The following DNER variants were observed in gnomAD, a reference collection of about 807,000 sequenced individuals.
The protein encoded by DNER is delta/notch like EGF repeat containing.
In DNER, 33 loss-of-function variants were observed where a neutral mutation model predicts 78.2. That is an observed-to-expected ratio of 0.42 (90% confidence interval 0.32 to 0.56). DNER has a LOEUF of 0.56. Among genes scored for constraint, DNER ranks in the 20% least tolerant of loss-of-function variants. The pLI, the probability that DNER is intolerant of heterozygous loss-of-function variation, is 0.11. For synonymous variants in DNER, 417 were observed against 384.8 expected (o/e 1.08, Z -0.98); for missense variants, 918 against 975.3 (o/e 0.94, Z 0.78).
chr2:229,697,387 T>G (rs1699678558), intron 1 of DNER, among the ~76,000 whole-genome samples: 1 of 152,222 alleles, frequency 6.6e-6, no homozygotes. Context: ...ATACAGTGTT[T>G]CCTTTTGGGA....
At chr2:229,468,633 GA>G (rs1312612279) in intron 7 of DNER, among the ~76,000 whole-genome samples, 1 of 152,104 alleles carries the variant, frequency 6.6e-6, no homozygotes, top group Non-Finnish European at 1.5e-5. Context: ...TCTGATCCCC[GA>G]AATATCAGAG....
intron 4 of DNER, among the ~76,000 whole-genome samples, chr2:229,551,129 C>T (rs960138568): frequency 5.9e-5 from 9 of 152,178 alleles, no homozygotes; most frequent in Non-Finnish European, 1.2e-4. Flanking sequence ...AGACTTCCTA[C>T]ATTGTTTCAT....
intron 4 of DNER, among the ~76,000 whole-genome samples, chr2:229,551,371 C>T (rs1342207392): frequency 2.2e-5 from 3 of 135,100 alleles, no homozygotes; most frequent in Non-Finnish European, 3.3e-5. Flanking sequence ...CAGTGGCTCA[C>T]GCCTGTAATC....
In DNER at chr2:229,670,281, G is replaced by A. The variant is rs1257442783; in HGVS notation, c.276+43867C>T. Among the ~76,000 whole-genome samples, 3 of 152,338 alleles carry A rather than the reference G, an allele frequency of 2.0e-5. No homozygotes were observed. In the East Asian group the frequency reaches 5.8e-4, roughly 29 times the overall value. ...GTTCTATCAGGGAGACCCCCTCACT[G>A]TGTCTCCTCCCAGGCCGAGGCAAAC... is the stretch of plus-strand genomic sequence containing the variant. On this transcript the variant is annotated intron_variant, in intron 1 of 12. Coordinates refer to ENST00000341772, the MANE Select transcript of DNER (RefSeq NM_139072.4).
chr2:229,593,453 C>G (rs865942625), intron 1 of DNER, among the ~76,000 whole-genome samples: 20 of 152,196 alleles, frequency 1.3e-4, no homozygotes, highest in Non-Finnish European at 7.3e-5. Flanking sequence ...AGCCTTCCCT[C>G]ACTGTGAAAT....
In DNER at chr2:229,367,073, C is replaced by T; in HGVS notation, c.1902G>A (p.Met634Ile). ...TGATGATGTAGAGGGAGTGCCGTGG[C>T]ATGTTGGTGAGGCTCTCCGCCATGT... ...SGHMAESLTN[M>I]PRHSLYIIIG... The change falls in exon 12 of 13, where the codon ATG (methionine) becomes ATA (isoleucine). Residue 634 changes from methionine (M) to isoleucine (I), a missense_variant. Met to Ile is a conservative substitution (Grantham distance 10). Transcript: ENST00000341772. 6.2e-7 allele frequency: 1 copy of T among 1,614,110 alleles called. No homozygotes were observed. The highest frequency in any genetic ancestry group is 8.5e-7 in the Non-Finnish European group (1 of 1,180,024).
rs1034608884 is a variant in DNER, at chr2:229,398,129, T to C, written c.1723+9103A>G. 2.6e-5 allele frequency among the ~76,000 whole-genome samples: 4 copies of C among 151,890 alleles called. No homozygotes were observed. The South Asian group carries it at 6.2e-4, about 24-fold the overall frequency. On this transcript the variant is annotated intron_variant, in intron 10 of 12. Transcript: ENST00000341772. ...CAAAATTGACAAAACTCTAGCAAGA[T>C]TGACAAAGGAAAAAAGAGAAAGACA...
chr2:229,680,654 A>G (rs759971595), intron 1 of DNER, among the ~76,000 whole-genome samples: 2 of 152,232 alleles, frequency 1.3e-5, no homozygotes, highest in South Asian at 2.1e-4. Context: ...AAGCAGTGCT[A>G]TGTGTTGGTC....
intron 11 of DNER, among the ~76,000 whole-genome samples, chr2:229,369,017 A>G (rs1300694907): frequency 6.6e-6 from 1 of 152,232 alleles, no homozygotes; most frequent in Non-Finnish European, 1.5e-5. Flanking sequence ...TGGAAATAGT[A>G]TCAGCCTTGG....
intron 1 of DNER, among the ~76,000 whole-genome samples, chr2:229,642,578 G>GAACA (rs927756222): frequency 7.2e-5 from 11 of 152,204 alleles, no homozygotes; most frequent in African/African-American, 2.7e-4. Flanking sequence ...GACCAGAGAG[G>GAACA]AACAAGAGAA....
At chr2:229,569,174 C>T (rs555440008) in intron 4 of DNER, among the ~76,000 whole-genome samples, 3 of 152,260 alleles carry the variant, frequency 2.0e-5, no homozygotes, top group African/African-American at 7.2e-5. Context: ...CCTCAGTATT[C>T]ACAGGATACT....
At chr2:229,707,390 C>T (rs1239530011) in intron 1 of DNER, among the ~76,000 whole-genome samples, 1 of 152,128 alleles carries the variant, frequency 6.6e-6, no homozygotes, top group African/African-American at 2.4e-5. Flanking sequence ...GCTAGAGCTA[C>T]TGCAAAGCAT....
At chr2:229,608,636 A>G (rs75696870) in intron 1 of DNER, among the ~76,000 whole-genome samples, 6,982 of 152,256 alleles carry the variant, frequency 0.046, 484 homozygotes, top group African/African-American at 0.15. Context: ...GTCTGTGCAC[A>G]TTTTATGCCT....
intron 5 of DNER, among the ~76,000 whole-genome samples, chr2:229,537,337 TC>T (rs1355322147): frequency 2.0e-5 from 3 of 152,172 alleles, no homozygotes; most frequent in Non-Finnish European, 2.9e-5. Flanking sequence ...GCTGCTATAA[TC>T]CTGAATATCC....
At chr2:229,588,539 A>C in intron 2 of DNER, 51 bp from the exon 3 acceptor site, 1 of 1,535,108 alleles carries the variant, frequency 6.5e-7, no homozygotes. Context: ...TTATAGTATA[A>C]CATAATGTGA....
chr2:229,668,094 T>A lies in DNER; in HGVS notation c.276+46054A>T, dbSNP rs532609954. Among the ~76,000 whole-genome samples, 99 of 152,160 alleles carry A rather than the reference T, an allele frequency of 6.5e-4. 2 individuals carry two copies. In the South Asian group the frequency reaches 0.02, roughly 31 times the overall value. Reference sequence around the variant, plus strand: ...AGTGATACTTAAAGCATTATAGAGATTGAGAAAATGTTGAGATCACACTGT... The same window carrying A: ...AGTGATACTTAAAGCATTATAGAGAATGAGAAAATGTTGAGATCACACTGT... On this transcript the variant is annotated intron_variant, in intron 1 of 12. Coordinates refer to ENST00000341772, the MANE Select transcript of DNER (RefSeq NM_139072.4).
intron 6 of DNER, among the ~76,000 whole-genome samples, chr2:229,508,639 T>A (rs1025875684): frequency 6.6e-6 from 1 of 152,060 alleles, no homozygotes; most frequent in Non-Finnish European, 1.5e-5. Context: ...CCCAGCACTT[T>A]GGGAGGCCGA....
At chr2:229,698,495 T>C (rs1699694479) in intron 1 of DNER, among the ~76,000 whole-genome samples, 1 of 152,212 alleles carries the variant, frequency 6.6e-6, no homozygotes, top group South Asian at 2.1e-4. Flanking sequence ...ATATAAAACA[T>C]CTGTAGGGTC....
In DNER at chr2:229,714,309, CG is replaced by C; in HGVS notation, c.114del (p.Ala39ProfsTer135). On this transcript the variant is annotated frameshift_variant, in exon 1 of 13. Transcript: ENST00000341772. LOFTEE classifies it high-confidence loss of function. ...GGCCCGGGCGCAGACAGGGGCGCGGCGGGCACCGGGTTGGCCAGGGAGCTGC... is the reference window on the plus strand; with the variant it reads ...GGCCCGGGCGCAGACAGGGGCGCGGCGGCACCGGGTTGGCCAGGGAGCTGC... ...PRGSSLANPV[P>X]AAPLSAPGPC... The C allele has an allele frequency of 7.7e-7, 1 of 1,297,668 alleles. No homozygotes were observed. Among genetic ancestry groups the C allele is most frequent in the South Asian group, 2.4e-5 (1 of 41,536 alleles). 80.4% of individuals were successfully genotyped at this position (1,297,668 alleles called of 1,614,324 possible).
Sources: allele counts gnomAD v4.1 joint callset (sites outside exome capture counted in the v4.1 genomes callset), GRCh38; gene constraint gnomAD v4.1.1; transcripts MANE v1.5; gene names NCBI Gene and HGNC (gene_info 2026-07-23, HGNC 2026-07-21).